The following SAMD12 variants were observed in gnomAD, a reference collection of about 807,000 sequenced individuals.
The protein encoded by SAMD12 is sterile alpha motif domain-containing protein 12.
SAMD12 carries 9 observed loss-of-function variants against 15.0 expected under a neutral mutation model. The observed-to-expected ratio is 0.60, with a 90% CI of 0.36 to 1.05. The LOEUF (loss-of-function observed/expected upper bound fraction) is 1.05. Among genes scored for constraint, SAMD12 ranks in the 50% least tolerant of loss-of-function variants. The pLI is 0.01. For missense variants in SAMD12, 230 were observed against 234.2 expected (o/e 0.98, Z 0.12); for synonymous variants, 86 against 90.1 (o/e 0.96, Z 0.25).
chr8:118,305,370 A>C (rs569408051), intron 4 of SAMD12, among the ~76,000 whole-genome samples: 2 of 152,236 alleles, frequency 1.3e-5, no homozygotes, highest in African/African-American at 4.8e-5. Context: ...TAGGTACCTC[A>C]TATAAGTGGA....
the SAMD12 span, among the ~76,000 whole-genome samples, chr8:118,133,048 A>G: frequency 7.8e-6 from 1 of 128,542 alleles, no homozygotes; most frequent in Admixed American, 8.4e-5. Context: ...AATATGAGTC[A>G]AACATTTTAT....
chr8:118,244,337 T>C (rs1812639585), intron 4 of SAMD12, among the ~76,000 whole-genome samples: 1 of 152,180 alleles, frequency 6.6e-6, no homozygotes, highest in African/African-American at 2.4e-5. Flanking sequence ...TAATCCAGCC[T>C]GGCTTCAGAA....
At chr8:118,510,337 C>G (rs1563901557) in intron 2 of SAMD12, among the ~76,000 whole-genome samples, 1 of 152,060 alleles carries the variant, frequency 6.6e-6, no homozygotes, top group Non-Finnish European at 1.5e-5. Context: ...ACAAGCATCT[C>G]AAGTGATTCT....
chr8:118,409,955 T>C (rs981317367), intron 3 of SAMD12, among the ~76,000 whole-genome samples: 9 of 151,940 alleles, frequency 5.9e-5, no homozygotes, highest in African/African-American at 2.2e-4. Flanking sequence ...TTATCCACCA[T>C]TGTTAACTAT....
At chr8:118,135,274 C>T in the SAMD12 span, among the ~76,000 whole-genome samples, 6 of 152,024 alleles carry the variant, frequency 3.9e-5, no homozygotes, top group Non-Finnish European at 8.8e-5. Flanking sequence ...CTCCGCCTCC[C>T]GGTTTCAAGC....
chr8:118,171,478 C>T, the SAMD12 span, among the ~76,000 whole-genome samples: 2 of 152,116 alleles, frequency 1.3e-5, no homozygotes, highest in African/African-American at 4.8e-5. Context: ...GCAGTATATC[C>T]ATACAGTGAA....
intron 2 of SAMD12, among the ~76,000 whole-genome samples, chr8:118,495,186 G>A (rs1162196829): frequency 6.6e-6 from 1 of 152,144 alleles, no homozygotes; most frequent in African/African-American, 2.4e-5. Context: ...GTATGAAACT[G>A]GAAGAGAAGC....
intron 1 of SAMD12, among the ~76,000 whole-genome samples, chr8:118,602,227 G>C (rs1201559162): frequency 6.6e-6 from 1 of 152,202 alleles, no homozygotes; most frequent in East Asian, 1.9e-4. Context: ...AACTGCCTTT[G>C]TCAAATCTGA....
chr8:118,182,465 G>T, the SAMD12 span, among the ~76,000 whole-genome samples: 1 of 152,100 alleles, frequency 6.6e-6, no homozygotes, highest in Admixed American at 6.5e-5. Context: ...AAGTGTATAG[G>T]CTATGCCTAC....
At chr8:118,469,529 T>G in intron 2 of SAMD12, among the ~76,000 whole-genome samples, 33 of 2,440 alleles carry the variant, frequency 0.014, 13 homozygotes, top group African/African-American at 0.083. Flanking sequence ...ATATATAATA[T>G]ATTATATATA....
chr8:118,149,632 C>G, the SAMD12 span, among the ~76,000 whole-genome samples: 2 of 152,088 alleles, frequency 1.3e-5, no homozygotes, highest in Non-Finnish European at 2.9e-5. Flanking sequence ...GGTGCATTGT[C>G]TAAGACATCT....
At chr8:118,399,143 C>A (rs1040570154) in intron 3 of SAMD12, among the ~76,000 whole-genome samples, 3 of 151,994 alleles carry the variant, frequency 2.0e-5, no homozygotes, top group African/African-American at 7.3e-5. Flanking sequence ...TTCCACCTCC[C>A]AAAGTGTTGG....
chr8:118,133,520 T>A, the SAMD12 span, among the ~76,000 whole-genome samples: 11 of 152,146 alleles, frequency 7.2e-5, no homozygotes, highest in Admixed American at 5.2e-4. Flanking sequence ...ATCTTCTTAA[T>A]CCCGAGATGG....
intron 4 of SAMD12, among the ~76,000 whole-genome samples, chr8:118,277,507 GT>G (rs1053394992): frequency 1.3e-4 from 19 of 150,842 alleles, no homozygotes; most frequent in African/African-American, 4.6e-4. Context: ...ATTTCCTTAT[GT>G]AGTTTTAACA....
intron 4 of SAMD12, among the ~76,000 whole-genome samples, chr8:118,216,365 T>C (rs969027844): frequency 2.0e-5 from 3 of 151,728 alleles, no homozygotes; most frequent in Admixed American, 2.0e-4. Flanking sequence ...ATATTAGCCC[T>C]TTGTCAGATG....
At chr8:118,540,548 A>T (rs1825960589) in intron 2 of SAMD12, among the ~76,000 whole-genome samples, 1 of 152,188 alleles carries the variant, frequency 6.6e-6, no homozygotes, top group African/African-American at 2.4e-5. Context: ...CTGTTTGTCA[A>T]GGTTGATGGA....
chr8:118,484,947 T>C (rs376849418), intron 2 of SAMD12, among the ~76,000 whole-genome samples: 20 of 152,192 alleles, frequency 1.3e-4, no homozygotes, highest in East Asian at 9.6e-4. Context: ...CTTGGTCGTA[T>C]GCAGCTTTCA....
chr8:118,511,991 T>C (rs1460831832), intron 2 of SAMD12, among the ~76,000 whole-genome samples: 1 of 152,144 alleles, frequency 6.6e-6, no homozygotes, highest in East Asian at 1.9e-4. Flanking sequence ...AATCAATCAA[T>C]CAATCAGTAG....
intron 2 of SAMD12, among the ~76,000 whole-genome samples, chr8:118,471,976 A>C (rs749194331): frequency 3.9e-5 from 6 of 152,184 alleles, no homozygotes; most frequent in Non-Finnish European, 8.8e-5. Flanking sequence ...TTACTGCTTC[A>C]ATTTCCTCAT....
Sources: gnomAD v4.1 joint callset for allele counts (sites outside exome capture counted in the v4.1 genomes callset) on GRCh38, gnomAD v4.1.1 for gene constraint, MANE v1.5 for transcripts, NCBI Gene and HGNC (gene_info 2026-07-23, HGNC 2026-07-21) for gene names.